NPIPB2: variants seen among roughly 807,000 people sequenced by gnomAD.
NPIPB2 encodes the protein nuclear pore complex-interacting protein family member B2.
Under a neutral mutation model 30.8 loss-of-function variants are expected in NPIPB2, and 27 were observed. That is an observed-to-expected ratio of 0.88 (90% confidence interval 0.65 to 1.21). The LOEUF is 1.21. NPIPB2 is among the 50% of genes most tolerant of loss of function. The probability of loss-of-function intolerance (pLI) is 0.00; values close to 1 mark genes in which losing one functional copy is unlikely to be tolerated. For synonymous variants in NPIPB2, 147 were observed against 162.0 expected, an observed-to-expected ratio of 0.91 and a Z score of 0.70; for missense variants, 440 against 446.2, an observed-to-expected ratio of 0.99 and a Z score of 0.13.
At chr16:11,951,961 C>A (rs993037305) in intron 1 of NPIPB2, among the ~76,000 whole-genome samples, 13 of 152,096 alleles carry the variant, frequency 8.5e-5, no homozygotes, top group Non-Finnish European at 1.9e-4. Flanking sequence ...AGATCGAGAC[C>A]ATTCTGATTA....
At chr16:11,944,140 G>A (rs2054976174), upstream of NPIPB2, among the ~76,000 whole-genome samples, 1 of 151,174 alleles carries the variant, frequency 6.6e-6, no homozygotes, top group Non-Finnish European at 1.5e-5. Context: ...CAGAACACCA[G>A]TACTGCCTGT....
At chr16:11,956,174 G>GTC in intron 1 of NPIPB2, 1 of 152,364 alleles carries the variant, frequency 6.6e-6, no homozygotes, top group East Asian at 1.9e-4. Context: ...GGTCGTAGGT[G>GTC]TCTCTCTCTA....
intron 1 of NPIPB2, among the ~76,000 whole-genome samples, chr16:11,955,976 C>G (rs571854358): frequency 1.3e-5 from 2 of 151,894 alleles, no homozygotes; most frequent in East Asian, 1.9e-4. Context: ...GCAGAGTTCC[C>G]GAAGACCCAA....
chr16:11,975,908 T>C (rs2055287444), intron 1 of NPIPB2, among the ~76,000 whole-genome samples: 1 of 151,832 alleles, frequency 6.6e-6, no homozygotes. Flanking sequence ...AGCCATATCT[T>C]AAAACCTAAT....
rs1056872304 is a variant in NPIPB2, at chr16:11,966,452, G to T, written c.-584+10116C>A. ...TATTTCACTTCGTTACAGCCCTTTC[G>T]AATGTGTTAGAACATTGTTACATTA... On this transcript the variant is annotated intron_variant, in intron 1 of 5. Coordinates refer to the NPIPB2 transcript ENST00000538896. 4.9e-5 allele frequency: 54 copies of T among 1,100,628 alleles called. No homozygotes were observed. The Middle Eastern group carries it at 8.7e-4, about 18-fold the overall frequency. The allele number at this position is 1,100,628 out of a possible 1,614,324, so 68.2% of individuals were successfully genotyped here. A position where few individuals can be genotyped will look rare whatever the true frequency, so the allele number is the denominator to read the frequency against.
chr16:11,976,263 C>T (rs1187892126), intron 1 of NPIPB2, among the ~76,000 whole-genome samples: 1 of 152,162 alleles, frequency 6.6e-6, no homozygotes, highest in Admixed American at 6.5e-5. Flanking sequence ...CCTGTCAACC[C>T]CTCCAGGCAG....
chr16:11,975,424 G>A (rs1245157694), intron 1 of NPIPB2, among the ~76,000 whole-genome samples: 1 of 151,850 alleles, frequency 6.6e-6, no homozygotes. Flanking sequence ...TGGGATTACA[G>A]GCGTGAGCCA....
At chr16:11,976,462 C>T (rs2150951717) in intron 1 of NPIPB2, 4 of 305,760 alleles carry the variant, frequency 1.3e-5, no homozygotes, top group South Asian at 1.6e-4. Context: ...TCGCATCCCT[C>T]TCTGGGACGA....
At chr16:11,944,746 A>G (rs1464190439), upstream of NPIPB2, among the ~76,000 whole-genome samples, 1 of 150,232 alleles carries the variant, frequency 6.7e-6, no homozygotes, top group Admixed American at 6.6e-5. Flanking sequence ...AAAAAAAAAA[A>G]AAAAAAAAAA....
At chr16:11,936,958 C>G (rs1392002300) in intron 2 of NPIPB2, among the ~76,000 whole-genome samples, 1 of 151,866 alleles carries the variant, frequency 6.6e-6, no homozygotes, top group Non-Finnish European at 1.5e-5. Flanking sequence ...GTTCCTTGGG[C>G]TCTTTCATTT....
chr16:11,957,633 A>G (rs1567476209), intron 1 of NPIPB2, among the ~76,000 whole-genome samples: 1 of 152,134 alleles, frequency 6.6e-6, no homozygotes, highest in Admixed American at 6.6e-5. Flanking sequence ...ACTGCCCTTC[A>G]TAATGTGCGT....
chr16:11,951,668 C>CACACACACACACA (rs1596500890), intron 1 of NPIPB2, among the ~76,000 whole-genome samples: 1 of 63,680 alleles, frequency 1.6e-5, no homozygotes, highest in Non-Finnish European at 4.0e-5. Context: ...ACACACACAC[C>CACACACACACACA]CAGCCCCCAA....
chr16:11,955,353 C>CTAAA (rs2055101187), intron 1 of NPIPB2, among the ~76,000 whole-genome samples: 3 of 46,636 alleles, frequency 6.4e-5, no homozygotes, highest in African/African-American at 2.2e-4. Flanking sequence ...AACTCTGTGT[C>CTAAA]AAAAAAAAAA....
chr16:11,954,553 AT>A lies in NPIPB2; in HGVS notation c.-583-12440del, dbSNP rs112348863. Among the ~76,000 whole-genome samples the A allele has an allele frequency of 8.0e-3, 1,212 of 151,952 alleles. 11 individuals carry two copies. Among genetic ancestry groups the A allele is most frequent in the African/African-American group, 0.024 (1,015 of 41,494 alleles). ...CTTTTATGTATAATTGAGAAATAAA[AT>A]TTTTTTTAAGAAGAAAAAAGACTCG... is the stretch of plus-strand genomic sequence containing the variant. On this transcript the variant is annotated intron_variant, in intron 1 of 5. Transcript: ENST00000538896.
At chr16:11,965,227 A>C in intron 1 of NPIPB2, 1 of 1,513,434 alleles carries the variant, frequency 6.6e-7, no homozygotes, top group Non-Finnish European at 9.0e-7. Flanking sequence ...TCAACATTCT[A>C]GCTGCTCTTG....
chr16:11,955,389 TAG>T (rs2055102002), intron 1 of NPIPB2, among the ~76,000 whole-genome samples: 1 of 149,286 alleles, frequency 6.7e-6, no homozygotes, highest in Non-Finnish European at 1.5e-5. Context: ...TTTCGGGATT[TAG>T]AGAGAGACTA....
chr16:11,970,851 T>TCTGCTAC (rs2055231313), intron 1 of NPIPB2, among the ~76,000 whole-genome samples: 3 of 142,004 alleles, frequency 2.1e-5, no homozygotes, highest in South Asian at 2.2e-4. Context: ...AGCATTTTCT[T>TCTGCTAC]ACTCGTTTCT....
chr16:11,966,474 A>G, intron 1 of NPIPB2: 1 of 928,390 alleles, frequency 1.1e-6, no homozygotes, highest in South Asian at 1.9e-5. Flanking sequence ...ACATTGTTAC[A>G]TTAAATGAAC....
At chr16:11,972,354 T>C (rs2055241164) in intron 1 of NPIPB2, among the ~76,000 whole-genome samples, 1 of 152,086 alleles carries the variant, frequency 6.6e-6, no homozygotes, top group Admixed American at 6.6e-5. Context: ...GGTGGGCAGA[T>C]CGTAAGGTCA....
Sources: gnomAD v4.1 joint callset for allele counts (sites outside exome capture counted in the v4.1 genomes callset) on GRCh38, gnomAD v4.1.1 for gene constraint, MANE v1.5 for transcripts, NCBI Gene and HGNC (gene_info 2026-07-23, HGNC 2026-07-21) for gene names.